CCDC149: variants seen among roughly 807,000 people sequenced by gnomAD.
CCDC149 encodes the protein coiled-coil domain-containing protein 149.
In CCDC149, 45 loss-of-function variants were observed where a neutral mutation model predicts 59.9. The ratio of observed to expected loss-of-function variants is 0.75; its 90% CI spans 0.59 to 0.96. The LOEUF (loss-of-function observed/expected upper bound fraction) is 0.96. Among genes scored for constraint, CCDC149 ranks in the 40% least tolerant of loss-of-function variants. The pLI is 0.00. For missense variants in CCDC149, 584 were observed against 664.7 expected (o/e 0.88, Z 1.33); for synonymous variants, 245 against 260.6 (o/e 0.94, Z 0.58).
intron 1 of CCDC149, among the ~76,000 whole-genome samples, chr4:24,926,082 G>C (rs925951148): frequency 6.6e-6 from 1 of 152,164 alleles, no homozygotes; most frequent in Non-Finnish European, 1.5e-5. Context: ...TGTAATCCCA[G>C]CTACTCGGGA....
chr4:24,841,652 C>G (rs1195286037), intron 4 of CCDC149, among the ~76,000 whole-genome samples: 2 of 152,206 alleles, frequency 1.3e-5, no homozygotes, highest in Admixed American at 1.3e-4. Flanking sequence ...AAGGCTCCTG[C>G]CTTCCGAGCT....
At position 24,834,942 on chromosome 4, in the gene CCDC149, T is replaced by G. The variant is rs745454305; in HGVS notation, c.820+6A>C. The G allele has an allele frequency of 6.2e-7, 1 of 1,607,410 alleles. No homozygotes were observed. The highest frequency in any genetic ancestry group is 8.5e-7 in the Non-Finnish European group (1 of 1,174,254). ...GAGCGGTCTCTCCTGGAGCATGATA[T>G]CCTACCTTGCTTTGCAGACAGGACT... On this transcript the variant is annotated splice_donor_region_variant and intron_variant, in intron 8 of 12. Transcript: ENST00000635206.
chr4:24,894,884 C>G, intron 1 of CCDC149: 6 of 1,427,692 alleles, frequency 4.2e-6, no homozygotes, highest in Non-Finnish European at 5.7e-6. Context: ...TAGAACCAAA[C>G]AGAACCCCTC....
Position 24,893,613 on chromosome 4 carries a change from C to CTTTTTTTTTTTT in CCDC149, c.64-16928_64-16917dup, listed in dbSNP as rs3066508. Among the ~76,000 whole-genome samples, 341 of 65,872 alleles carry CTTTTTTTTTTTT rather than the reference C, an allele frequency of 5.2e-3. 70 individuals carry two copies. Among genetic ancestry groups the CTTTTTTTTTTTT allele is most frequent in the South Asian group, 6.7e-3 (7 of 1,052 alleles). The allele number at this position is 65,872 out of a possible 152,430, so 43.2% of individuals were successfully genotyped here. ...CTTCTAGCACAATCTAAAATACAGA[C>CTTTTTTTTTTTT]TTTTTTTTTTTTTTTTTTTTTGAGA... On this transcript the variant is annotated intron_variant, in intron 1 of 12. Coordinates refer to ENST00000635206, the MANE Select transcript of CCDC149 (RefSeq NM_001330643.2).
chr4:24,812,517 G>A (rs1714687036), intron 12 of CCDC149, among the ~76,000 whole-genome samples: 1 of 152,188 alleles, frequency 6.6e-6, no homozygotes, highest in African/African-American at 2.4e-5. Flanking sequence ...CCAGAAGACA[G>A]TTTTCCCCCA....
intron 9 of CCDC149, chr4:24,828,635 G>A (rs1396906039): frequency 6.6e-6 from 1 of 152,016 alleles, no homozygotes; most frequent in East Asian, 1.9e-4. Flanking sequence ...CAAAAAATTA[G>A]TCAGGCGTGG....
chr4:24,885,307 T>C (rs1051061172), intron 1 of CCDC149, among the ~76,000 whole-genome samples: 6 of 152,136 alleles, frequency 3.9e-5, no homozygotes, highest in Admixed American at 6.5e-5. Flanking sequence ...TATTGGACAG[T>C]ACAGTGTGGG....
chr4:24,917,565 G>GTT (rs974215772), upstream of CCDC149, among the ~76,000 whole-genome samples: 9 of 152,106 alleles, frequency 5.9e-5, no homozygotes, highest in Non-Finnish European at 1.2e-4. Flanking sequence ...GACCAGAAAG[G>GTT]AGCTGAGAGA....
chr4:24,933,426 G>A (rs1722652248), intron 1 of CCDC149, among the ~76,000 whole-genome samples: 1 of 152,142 alleles, frequency 6.6e-6, no homozygotes, highest in South Asian at 2.1e-4. Flanking sequence ...AGAGAACTTT[G>A]ATTTAAAAGG....
intron 1 of CCDC149, among the ~76,000 whole-genome samples, chr4:24,906,722 G>T (rs1721559912): frequency 6.6e-6 from 1 of 152,048 alleles, no homozygotes; most frequent in South Asian, 2.1e-4. Flanking sequence ...AATAAAACTT[G>T]CCCCACCTTG....
At chr4:24,875,081 G>T (rs1469468023) in intron 2 of CCDC149, among the ~76,000 whole-genome samples, 5 of 152,170 alleles carry the variant, frequency 3.3e-5, no homozygotes, top group Non-Finnish European at 7.3e-5. Context: ...GGGCGAGGCG[G>T]GCAGATCACG....
At chr4:24,941,060 C>G (rs1010964984) in intron 1 of CCDC149, among the ~76,000 whole-genome samples, 4 of 152,192 alleles carry the variant, frequency 2.6e-5, no homozygotes, top group African/African-American at 9.7e-5. Context: ...TAGACATCTA[C>G]AGAACTCTCC....
At chr4:24,936,481 C>A (rs1160905700) in intron 1 of CCDC149, among the ~76,000 whole-genome samples, 1 of 152,072 alleles carries the variant, frequency 6.6e-6, no homozygotes, top group African/African-American at 2.4e-5. Flanking sequence ...TGTTTCAATG[C>A]ATGTATATAT....
intron 1 of CCDC149, among the ~76,000 whole-genome samples, chr4:24,900,465 G>A (rs1399477325): frequency 6.6e-6 from 1 of 152,152 alleles, no homozygotes; most frequent in East Asian, 1.9e-4. Flanking sequence ...CTCTGCAAAT[G>A]GGCCAGAACC....
intron 1 of CCDC149, among the ~76,000 whole-genome samples, chr4:24,888,631 G>C (rs962885247): frequency 1.3e-5 from 2 of 152,090 alleles, no homozygotes; most frequent in African/African-American, 4.8e-5. Context: ...CATGGGTTTG[G>C]TTATCTATGG....
At chr4:24,940,130 A>G (rs561432158) in intron 1 of CCDC149, among the ~76,000 whole-genome samples, 48 of 152,334 alleles carry the variant, frequency 3.2e-4, no homozygotes, top group Middle Eastern at 3.4e-3. Flanking sequence ...AAAAAATGTT[A>G]AGGGCAGCCA....
At chr4:24,860,208 AGTCAC>A (rs1328728394) in intron 3 of CCDC149, among the ~76,000 whole-genome samples, 2 of 152,246 alleles carry the variant, frequency 1.3e-5, no homozygotes, top group East Asian at 3.8e-4. Context: ...ATTAGGCCAT[AGTCAC>A]CAAAACAGCA....
intron 12 of CCDC149, among the ~76,000 whole-genome samples, chr4:24,816,678 CAAT>C (rs907529036): frequency 6.6e-6 from 1 of 152,006 alleles, no homozygotes; most frequent in Non-Finnish European, 1.5e-5. Flanking sequence ...TTTTAGCAAA[CAAT>C]TATCATTAAC....
intron 4 of CCDC149, among the ~76,000 whole-genome samples, chr4:24,840,314 C>T (rs543023792): frequency 3.3e-5 from 5 of 152,266 alleles, no homozygotes; most frequent in East Asian, 1.9e-4. Context: ...AGATGCAGGA[C>T]GCTTAGATGT....
Sources: allele counts gnomAD v4.1 joint callset (sites outside exome capture counted in the v4.1 genomes callset), GRCh38; gene constraint gnomAD v4.1.1; transcripts MANE v1.5; gene names NCBI Gene and HGNC (gene_info 2026-07-23, HGNC 2026-07-21).